Variants in CALHM5 observed in about 807,000 individuals in gnomAD.
CALHM5 encodes the protein calcium homeostasis modulator family member 5.
In CALHM5, 17 loss-of-function variants were observed where a neutral mutation model predicts 20.9. The ratio of observed to expected loss-of-function variants is 0.82; its 90% CI spans 0.56 to 1.22. CALHM5 has a LOEUF of 1.22. Ranked by LOEUF, CALHM5 falls within the 50% of genes most tolerant of loss-of-function variation. The probability of loss-of-function intolerance (pLI) is 0.00; values close to 1 mark genes in which losing one functional copy is unlikely to be tolerated. For missense variants in CALHM5, 360 were observed against 364.6 expected (o/e 0.99, Z 0.10); for synonymous variants, 148 against 140.0 (o/e 1.06, Z -0.40).
At position 116,516,429 on chromosome 6, in the gene CALHM5, C is replaced by T. The variant is rs183046084; in HGVS notation, c.*440C>T. 234 of 153,060 alleles carry T rather than the reference C, an allele frequency of 1.5e-3. No homozygotes were observed. The highest frequency in any genetic ancestry group is 2.1e-3 in the Non-Finnish European group (147 of 68,646). 9.5% of individuals were successfully genotyped at this position (153,060 alleles called of 1,614,324 possible). On this transcript the variant is annotated 3_prime_UTR_variant, in exon 2 of 2. Transcript: ENST00000368599. Reference sequence around the variant, plus strand: ...CAGGAGTCTCTGTCCTACAAATCTACACTTTTAAGGATGTATGAAATTGTG... The same window carrying T: ...CAGGAGTCTCTGTCCTACAAATCTATACTTTTAAGGATGTATGAAATTGTG...
chr6:116,512,269 G>A (rs1772138347), intron 1 of CALHM5, 33 bp downstream of exon 1: 1 of 1,561,448 alleles, frequency 6.4e-7, no homozygotes. Context: ...TTTTCTCTCA[G>A]CATGAGCTCG....
At chr6:116,514,783 T>C (rs1327700870) in intron 1 of CALHM5, among the ~76,000 whole-genome samples, 1 of 152,240 alleles carries the variant, frequency 6.6e-6, no homozygotes, top group African/African-American at 2.4e-5. Context: ...AGATTATTAT[T>C]TCTATTTTCA....
chr6:116,511,968 G>A lies in CALHM5; in HGVS notation c.272G>A (p.Gly91Asp). The A allele has an allele frequency of 6.2e-7, 1 of 1,613,952 alleles. No individual in the cohort carries two copies. Residue 91 changes from glycine (G) to aspartate (D), a missense_variant, in exon 1 of 2, where the codon GGC becomes GAC. Coordinates refer to ENST00000368599, the MANE Select transcript of CALHM5 (RefSeq NM_153711.5). ...AATCCCAGGAAAATCTTTCCCAGAG[G>A]CCACAGCTGCCGTTTCTTCTACGTC... is the stretch of plus-strand genomic sequence containing the variant. Reference protein sequence around the residue: ...CVNPRKIFPRGHSCRFFYVLG... With the variant: ...CVNPRKIFPRDHSCRFFYVLG...
At position 116,524,570 on chromosome 6, in the gene CALHM5, C is replaced by A. The variant is rs1249485298; in HGVS notation, c.*8581C>A. On this transcript the variant is annotated 3_prime_UTR_variant, in exon 2 of 2. Transcript: ENST00000368599. ...TTGTCATTGAATATTGCTGAGGTGG[C>A]CACAGCCTGATTTCTGATGCCATCT... is the stretch of plus-strand genomic sequence containing the variant. The A allele has an allele frequency of 6.6e-6, 1 of 152,160 alleles. No individual in the cohort carries two copies. Among genetic ancestry groups the A allele is most frequent in the African/African-American group, 2.4e-5 (1 of 41,420 alleles). 9.4% of individuals were successfully genotyped at this position (152,160 alleles called of 1,614,324 possible).
rs1413366813 is a variant in CALHM5 at position 116,515,812 on chromosome 6, A to G, written c.753A>G (p.Pro251=). 3 of 1,614,022 alleles carry G rather than the reference A, an allele frequency of 1.9e-6. No homozygotes were observed. Among genetic ancestry groups the G allele is most frequent in the Non-Finnish European group, 2.5e-6 (3 of 1,179,942 alleles). The change falls in exon 2 of 2, where the codon CCA becomes CCG. Residue 251 remains proline (P), a synonymous_variant. Coordinates refer to ENST00000368599, the MANE Select transcript of CALHM5 (RefSeq NM_153711.5). The part of the protein sequence containing the change: ...NLKCFFENKR[P]DPFPMPTFAA... ...AATGTTTTTTTGAAAACAAGAGGCC[A>G]GATCCTTTTCCCATGCCTACGTTTG...
chr6:116,515,671 A>G lies in CALHM5; in HGVS notation c.612A>G (p.Arg204=), dbSNP rs772137240. The part of the protein sequence containing the change: ...SLLTTCYARC[R]SKVSYLQLSF... ...TCACCACATGTTATGCTCGCTGCCG[A>G]TCTAAAGTTAGCTACCTTCAGCTGA... The change falls in exon 2 of 2, where the codon CGA becomes CGG. Residue 204 remains arginine, a synonymous_variant. Transcript: ENST00000368599. 4.1e-5 allele frequency: 66 copies of G among 1,613,876 alleles called. 1 individual carries two copies. The South Asian group carries it at 7.1e-4, about 17-fold the overall frequency.
Position 116,511,893 on chromosome 6 carries a change from G to A in CALHM5, c.197G>A (p.Gly66Glu). ...FAPAWVLLIL[G>E]FFLNNRSWRL... ...CCTGCCTGGGTGTTACTGATCCTGG[G>A]ATTCTTTCTGAACAATAGGTCGTGG... Residue 66 changes from glycine (G) to glutamate (E), a missense_variant, in exon 1 of 2, where the codon GGA (glycine) becomes GAA (glutamate). By Grantham distance (98) the Gly-to-Glu change is moderately conservative. Transcript: ENST00000368599. 1 of 1,614,034 alleles carries A rather than the reference G, an allele frequency of 6.2e-7. No individual in the cohort carries two copies. Among genetic ancestry groups the A allele is most frequent in the South Asian group, 1.1e-5 (1 of 91,074 alleles).
Position 116,516,691 on chromosome 6 carries a change from A to C in CALHM5, c.*702A>C, listed in dbSNP as rs945886169. 1.4e-5 allele frequency: 2 copies of C among 141,850 alleles called. No individual in the cohort carries two copies. The allele number at this position is 141,850 out of a possible 1,614,324, so 8.8% of individuals were successfully genotyped here. A position where few individuals can be genotyped will look rare whatever the true frequency, so the allele number is the denominator to read the frequency against. ...TATATATATATATATATATATATAT[A>C]TATATATATATATATATACACACAC... On this transcript the variant is annotated 3_prime_UTR_variant, in exon 2 of 2. Transcript: ENST00000368599.
Position 116,511,791 on chromosome 6 carries a change from G to A in CALHM5, c.95G>A (p.Arg32His), listed in dbSNP as rs76802220. 70 of 1,614,090 alleles carry A rather than the reference G, an allele frequency of 4.3e-5. No individual in the cohort carries two copies. In the East Asian group the frequency reaches 1.4e-3, roughly 33 times the overall value. Residue 32 changes from arginine to histidine, a missense_variant, in exon 1 of 2, where the codon CGT (arginine) becomes CAT (histidine). Coordinates refer to ENST00000368599, the MANE Select transcript of CALHM5 (RefSeq NM_153711.5). ...FMALLTVGSERLFSVVAFKCP... is the reference protein window; with the variant it reads ...FMALLTVGSEHLFSVVAFKCP... The stretch of plus-strand genomic sequence containing the variant: ...GCTCTGCTGACCGTGGGAAGTGAGC[G>A]TCTCTTTTCTGTTGTGGCTTTTAAG...
chr6:116,511,825 C>T lies in CALHM5; in HGVS notation c.129C>T (p.Cys43=), dbSNP rs374016348. The T allele has an allele frequency of 1.2e-6, 2 of 1,614,088 alleles. No homozygotes were observed. The highest frequency in any genetic ancestry group is 1.7e-6 in the Non-Finnish European group (2 of 1,179,998). ...LFSVVAFKCP[C]STENMTYGLV... is the part of the protein sequence containing the mutation. ...CTGTTGTGGCTTTTAAGTGCCCCTG[C>T]AGCACTGAGAATATGACCTATGGGC... The change falls in exon 1 of 2, where the codon TGC becomes TGT. Residue 43 remains cysteine, a synonymous_variant. Coordinates refer to ENST00000368599, the MANE Select transcript of CALHM5 (RefSeq NM_153711.5).
chr6:116,513,242 T>C (rs1350782824), intron 1 of CALHM5, among the ~76,000 whole-genome samples: 1 of 152,224 alleles, frequency 6.6e-6, no homozygotes, highest in Non-Finnish European at 1.5e-5. Flanking sequence ...TTTAAAATCA[T>C]ACACTCCAAA....
At position 116,517,418 on chromosome 6, in the gene CALHM5, A is replaced by C. The variant is rs1169114143; in HGVS notation, c.*1429A>C. On this transcript the variant is annotated 3_prime_UTR_variant, in exon 2 of 2. Transcript: ENST00000368599. ...ATATGTGTATGTATATATGTACATA[A>C]ATTCTCCTTAAATCTCTGAGAAGAA... 2.0e-5 allele frequency: 3 copies of C among 152,162 alleles called. No homozygotes were observed. The highest frequency in any genetic ancestry group is 2.9e-5 in the Non-Finnish European group (2 of 68,034). 9.4% of individuals were successfully genotyped at this position (152,162 alleles called of 1,614,324 possible). A position where few individuals can be genotyped will look rare whatever the true frequency, so the allele number is the denominator to read the frequency against.
At position 116,516,662 on chromosome 6, in the gene CALHM5, TATATA is replaced by T. The variant is rs1368444433; in HGVS notation, c.*674_*678del. ...CTACATTCAAAATAGTAGTAACAAA[TATATA>T]TATATATATATATATATATATATAT... On this transcript the variant is annotated 3_prime_UTR_variant, in exon 2 of 2. Coordinates refer to ENST00000368599, the MANE Select transcript of CALHM5 (RefSeq NM_153711.5). The T allele has an allele frequency of 6.9e-4, 1 of 1,452 alleles. No individual in the cohort carries two copies. Among genetic ancestry groups the T allele is most frequent in the Non-Finnish European group, 1.5e-3 (1 of 656 alleles). 0.1% of individuals were successfully genotyped at this position (1,452 alleles called of 1,614,324 possible).
In CALHM5 at chr6:116,515,483, C is replaced by T. The variant is rs926780981; in HGVS notation, c.541-117C>T. On this transcript the variant is annotated intron_variant, in intron 1 of 1. Transcript: ENST00000368599. ...GTTTAAAAATTAAGATGAATGATTT[C>T]AAATGAGGTATGTCAAAGACTGTGG... 7.4e-6 allele frequency: 8 copies of T among 1,075,014 alleles called. No homozygotes were observed. The African/African-American group carries it at 1.3e-4, about 17-fold the overall frequency. 66.6% of individuals were successfully genotyped at this position (1,075,014 alleles called of 1,614,324 possible). A position where few individuals can be genotyped will look rare whatever the true frequency, so the allele number is the denominator to read the frequency against.
rs57050552 is a variant in CALHM5 at position 116,516,660 on chromosome 6, A to AATATAT, written c.*715_*720dup. 93 of 104,336 alleles carry AATATAT rather than the reference A, an allele frequency of 8.9e-4. No homozygotes were observed. The highest frequency in any genetic ancestry group is 1.1e-3 in the Non-Finnish European group (58 of 53,508). 6.5% of individuals were successfully genotyped at this position (104,336 alleles called of 1,614,324 possible). On this transcript the variant is annotated 3_prime_UTR_variant, in exon 2 of 2. Coordinates refer to ENST00000368599, the MANE Select transcript of CALHM5 (RefSeq NM_153711.5). ...TCCTACATTCAAAATAGTAGTAACA[A>AATATAT]ATATATATATATATATATATATATA...
chr6:116,512,216 T>TC lies in CALHM5; in HGVS notation c.523dup (p.Leu175ProfsTer32). On this transcript the variant is annotated frameshift_variant, in exon 1 of 2. Coordinates refer to ENST00000368599, the MANE Select transcript of CALHM5 (RefSeq NM_153711.5). LOFTEE classifies it high-confidence loss of function. ...TACCGTCAATGAAGAACTGAAACTC[T>TC]CCCTTCAGGCCCAGTCTCAGGTAAG... is the stretch of plus-strand genomic sequence containing the variant. 1.9e-6 allele frequency: 3 copies of TC among 1,602,044 alleles called. No homozygotes were observed. The highest frequency in any genetic ancestry group is 1.7e-6 in the Non-Finnish European group (2 of 1,178,424).
rs999268263 is a variant in CALHM5 at position 116,519,522 on chromosome 6, G to C, written c.*3533G>C. 2.6e-5 allele frequency: 4 copies of C among 152,182 alleles called. No individual in the cohort carries two copies. The highest frequency in any genetic ancestry group is 6.5e-5 in the Admixed American group (1 of 15,284). 9.4% of individuals were successfully genotyped at this position (152,182 alleles called of 1,614,324 possible). A position where few individuals can be genotyped will look rare whatever the true frequency, so the allele number is the denominator to read the frequency against. ...CACCCTGGATTTGAATATCTAGAGA[G>C]GGCACCCAATGGTCATACTAATGTT... On this transcript the variant is annotated 3_prime_UTR_variant, in exon 2 of 2. Coordinates refer to ENST00000368599, the MANE Select transcript of CALHM5 (RefSeq NM_153711.5).
rs1326192696 is a variant in CALHM5, at chr6:116,524,376, C to T, written c.*8387C>T. On this transcript the variant is annotated 3_prime_UTR_variant, in exon 2 of 2. Transcript: ENST00000368599. ...CTGAAGTTTTGTCAATCACCCCCTGCTTAGCTGGAGTTTACCTTCTAGTAT... is the reference window on the plus strand; with the variant it reads ...CTGAAGTTTTGTCAATCACCCCCTGTTTAGCTGGAGTTTACCTTCTAGTAT... The T allele has an allele frequency of 6.6e-6, 1 of 151,832 alleles. No homozygotes were observed. 9.4% of individuals were successfully genotyped at this position (151,832 alleles called of 1,614,324 possible). A position where few individuals can be genotyped will look rare whatever the true frequency, so the allele number is the denominator to read the frequency against.
At chr6:116,514,843 A>G (rs1313216986) in intron 1 of CALHM5, among the ~76,000 whole-genome samples, 1 of 152,258 alleles carries the variant, frequency 6.6e-6, no homozygotes, top group Non-Finnish European at 1.5e-5. Context: ...ACTAAATGTC[A>G]AGAGACACTT....
Sources: allele counts gnomAD v4.1 joint callset (sites outside exome capture counted in the v4.1 genomes callset), GRCh38; gene constraint gnomAD v4.1.1; transcripts MANE v1.5; gene names NCBI Gene and HGNC (gene_info 2026-07-23, HGNC 2026-07-21).